The following XKR6 variants were observed in gnomAD, a reference collection of about 807,000 sequenced individuals.
XKR6 encodes XK related 6, also known as XK-related protein 6.
A neutral mutation model predicts 56.7 loss-of-function variants in XKR6; 22 were observed. The observed-to-expected ratio is 0.39, with a 90% confidence interval of 0.28 to 0.55. XKR6 has a LOEUF of 0.55. XKR6 is among the 20% of genes least tolerant of loss of function. The probability of loss-of-function intolerance (pLI) is 0.66; values close to 1 mark genes in which losing one functional copy is unlikely to be tolerated. For missense variants in XKR6, 852 were observed against 889.0 expected, an observed-to-expected ratio of 0.96 and a Z score of 0.53; for synonymous variants, 524 against 387.8, an observed-to-expected ratio of 1.35 and a Z score of -4.13.
At chr8:11,155,559 A>G (rs893638252) in intron 1 of XKR6, among the ~76,000 whole-genome samples, 18 of 152,162 alleles carry the variant, frequency 1.2e-4, no homozygotes, top group Non-Finnish European at 8.8e-5. Context: ...ATATAGCTTT[A>G]CTCTTCCTTC....
chr8:11,112,004 C>T (rs572683756), intron 1 of XKR6: 61 of 152,116 alleles, frequency 4.0e-4, no homozygotes, highest in Non-Finnish European at 7.6e-4. Context: ...TACTTTTTAT[C>T]GTCTTACCAT....
intron 1 of XKR6, among the ~76,000 whole-genome samples, chr8:11,164,878 A>G (rs1227808472): frequency 6.6e-6 from 1 of 152,170 alleles, no homozygotes; most frequent in Non-Finnish European, 1.5e-5. Flanking sequence ...CAATGGCACT[A>G]AAGCTTTGCT....
At chr8:10,988,213 C>G (rs1797907000) in intron 1 of XKR6, among the ~76,000 whole-genome samples, 1 of 152,132 alleles carries the variant, frequency 6.6e-6, no homozygotes, top group African/African-American at 2.4e-5. Flanking sequence ...TGACTCCCTT[C>G]TAGAATGTAA....
chr8:11,038,637 T>A (rs1327006887), intron 1 of XKR6, among the ~76,000 whole-genome samples: 1 of 151,846 alleles, frequency 6.6e-6, no homozygotes, highest in East Asian at 1.9e-4. Context: ...CAGGCTCAGA[T>A]GATCCTCCTG....
At chr8:10,949,499 G>A (rs957537225) in intron 1 of XKR6, among the ~76,000 whole-genome samples, 3 of 152,238 alleles carry the variant, frequency 2.0e-5, no homozygotes, top group African/African-American at 7.2e-5. Context: ...TCTGTAGCCA[G>A]GAAGGCACAC....
chr8:11,084,270 C>T (rs1379212250), intron 1 of XKR6, among the ~76,000 whole-genome samples: 2 of 152,246 alleles, frequency 1.3e-5, no homozygotes, highest in East Asian at 1.9e-4. Context: ...CTGGTCAGAA[C>T]GCCATCTGCG....
chr8:10,926,902 G>C (rs377005196), intron 1 of XKR6, among the ~76,000 whole-genome samples: 3 of 152,240 alleles, frequency 2.0e-5, no homozygotes, highest in African/African-American at 7.2e-5. Flanking sequence ...CAGTCACTAA[G>C]AGAGGGGGAG....
intron 1 of XKR6, among the ~76,000 whole-genome samples, chr8:10,972,990 G>A (rs939017279): frequency 1.3e-5 from 2 of 152,182 alleles, no homozygotes; most frequent in African/African-American, 2.4e-5. Flanking sequence ...ACTGTTCATG[G>A]TGTTTGGGAC....
chr8:11,040,284 G>A (rs1430644946), intron 1 of XKR6, among the ~76,000 whole-genome samples: 1 of 151,394 alleles, frequency 6.6e-6, no homozygotes, highest in Non-Finnish European at 1.5e-5. Context: ...CACTCTGAGA[G>A]GCCGAAGCAG....
intron 1 of XKR6, among the ~76,000 whole-genome samples, chr8:11,189,122 C>A (rs1803418186): frequency 6.6e-6 from 1 of 152,184 alleles, no homozygotes; most frequent in Non-Finnish European, 1.5e-5. Flanking sequence ...TCTATTAGGT[C>A]ATGTCTCCTC....
chr8:11,018,107 T>G (rs1186954659), intron 1 of XKR6, among the ~76,000 whole-genome samples: 1 of 152,152 alleles, frequency 6.6e-6, no homozygotes, highest in African/African-American at 2.4e-5. Flanking sequence ...CAGCTCTGGA[T>G]GTCAAAGGGT....
intron 1 of XKR6, among the ~76,000 whole-genome samples, chr8:11,164,695 T>C (rs1586638542): frequency 6.6e-6 from 1 of 152,330 alleles, no homozygotes; most frequent in East Asian, 1.9e-4. Flanking sequence ...CTTTGATTCT[T>C]AGGATCCCCC....
At chr8:11,161,318 G>A (rs912496682) in intron 1 of XKR6, among the ~76,000 whole-genome samples, 1 of 152,114 alleles carries the variant, frequency 6.6e-6, no homozygotes, top group Non-Finnish European at 1.5e-5. Flanking sequence ...TCCTTCAAGT[G>A]CCTACTCAGT....
chr8:11,007,808 C>G (rs530847621), intron 1 of XKR6, among the ~76,000 whole-genome samples: 1 of 152,270 alleles, frequency 6.6e-6, no homozygotes, highest in South Asian at 2.1e-4. Context: ...CTTCCTGCAG[C>G]TCCCCTTCTC....
intron 1 of XKR6, among the ~76,000 whole-genome samples, chr8:11,193,419 G>C (rs1803691937): frequency 1.3e-5 from 2 of 152,070 alleles, no homozygotes; most frequent in Admixed American, 1.3e-4. Context: ...AATATACCAA[G>C]ATCTACCCAC....
chr8:11,159,655 T>A (rs2117006111), intron 1 of XKR6, among the ~76,000 whole-genome samples: 1 of 152,348 alleles, frequency 6.6e-6, no homozygotes, highest in East Asian at 1.9e-4. Context: ...GCAATCTGTG[T>A]TTTGATAAGT....
chr8:11,033,343 G>A (rs961703222), intron 1 of XKR6, among the ~76,000 whole-genome samples: 15 of 141,946 alleles, frequency 1.1e-4, no homozygotes, highest in South Asian at 4.2e-4. Flanking sequence ...GATGGTGGTG[G>A]TGATGATGAT....
At chr8:10,968,885 C>G (rs1802312998) in intron 1 of XKR6, among the ~76,000 whole-genome samples, 1 of 152,232 alleles carries the variant, frequency 6.6e-6, no homozygotes, top group Non-Finnish European at 1.5e-5. Context: ...GACAGCCGCT[C>G]CAGCAGTCTG....
intron 1 of XKR6, among the ~76,000 whole-genome samples, chr8:11,136,180 G>A (rs1800382810): frequency 6.6e-6 from 1 of 152,184 alleles, no homozygotes; most frequent in Non-Finnish European, 1.5e-5. Flanking sequence ...GGACTTACAT[G>A]CTGGTTTCCT....
Sources: allele counts gnomAD v4.1 joint callset (sites outside exome capture counted in the v4.1 genomes callset), GRCh38; gene constraint gnomAD v4.1.1; transcripts MANE v1.5; gene names NCBI Gene and HGNC (gene_info 2026-07-23, HGNC 2026-07-21).